The following ZNF385B variants were observed in gnomAD, a reference collection of about 807,000 sequenced individuals.
The protein encoded by ZNF385B is zinc finger protein 533.
Under a neutral mutation model 39.2 loss-of-function variants are expected in ZNF385B, and 23 were observed. The ratio of observed to expected loss-of-function variants is 0.59; its 90% CI spans 0.42 to 0.83. ZNF385B has a LOEUF of 0.83. ZNF385B is among the 40% of genes least tolerant of loss of function. ZNF385B has a pLI of 0.00. For synonymous variants in ZNF385B, 205 were observed against 222.6 expected (o/e 0.92, Z 0.70); for missense variants, 552 against 598.9 (o/e 0.92, Z 0.82).
intron 1 of ZNF385B, among the ~76,000 whole-genome samples, chr2:179,794,542 C>T (rs772179288): frequency 2.4e-4 from 36 of 152,140 alleles, no homozygotes; most frequent in Non-Finnish European, 2.5e-4. Context: ...ATGTAAGTGA[C>T]GTTTTCTTCC....
chr2:179,614,427 A>T (rs1689561509), intron 3 of ZNF385B, among the ~76,000 whole-genome samples: 1 of 152,204 alleles, frequency 6.6e-6, no homozygotes, highest in Admixed American at 6.5e-5. Flanking sequence ...GACTTTTAGC[A>T]GTTTGTAGTC....
At chr2:179,765,099 T>C (rs1318214825) in intron 3 of ZNF385B, among the ~76,000 whole-genome samples, 1 of 152,196 alleles carries the variant, frequency 6.6e-6, no homozygotes, top group Non-Finnish European at 1.5e-5. Flanking sequence ...GCCTCCATAA[T>C]TGTGTGAGCT....
intron 6 of ZNF385B, among the ~76,000 whole-genome samples, chr2:179,455,017 T>C (rs2050526523): frequency 6.6e-6 from 1 of 152,192 alleles, no homozygotes; most frequent in African/African-American, 2.4e-5. Flanking sequence ...ACAGTAAGTG[T>C]ATAGGAATGT....
chr2:179,753,626 T>C (rs902959477), intron 3 of ZNF385B, among the ~76,000 whole-genome samples: 8 of 152,228 alleles, frequency 5.3e-5, no homozygotes, highest in Non-Finnish European at 2.9e-5. Context: ...CAGTGGTTTG[T>C]AGTTCTCCTT....
intron 2 of ZNF385B, among the ~76,000 whole-genome samples, chr2:179,770,126 T>G (rs951928016): frequency 1.3e-5 from 2 of 152,102 alleles, no homozygotes; most frequent in Non-Finnish European, 2.9e-5. Context: ...CAAATTACCT[T>G]CCTCATGAAA....
intron 3 of ZNF385B, among the ~76,000 whole-genome samples, chr2:179,559,628 A>G (rs2061191234): frequency 6.6e-6 from 1 of 150,446 alleles, no homozygotes. Flanking sequence ...TTTACTTTAC[A>G]ACTTGACTGT....
intron 6 of ZNF385B, among the ~76,000 whole-genome samples, chr2:179,453,035 T>C (rs1427942144): frequency 6.6e-6 from 1 of 152,172 alleles, no homozygotes; most frequent in Non-Finnish European, 1.5e-5. Context: ...TAATAGCAAA[T>C]ATGAATATAC....
At chr2:179,526,667 G>A (rs2058924953) in intron 4 of ZNF385B, among the ~76,000 whole-genome samples, 1 of 152,122 alleles carries the variant, frequency 6.6e-6, no homozygotes, top group African/African-American at 2.4e-5. Flanking sequence ...ATGCACCATG[G>A]GATCTGCATG....
At chr2:179,619,940 C>T (rs549996648) in intron 3 of ZNF385B, among the ~76,000 whole-genome samples, 1 of 152,268 alleles carries the variant, frequency 6.6e-6, no homozygotes, top group East Asian at 1.9e-4. Flanking sequence ...CATTTACTAG[C>T]TATGTGACCT....
chr2:179,517,997 T>C (rs981982967), intron 5 of ZNF385B, among the ~76,000 whole-genome samples: 2 of 152,168 alleles, frequency 1.3e-5, no homozygotes, highest in African/African-American at 2.4e-5. Flanking sequence ...ATGTGGCAAT[T>C]GATATCAAAT....
At chr2:179,515,946 C>G (rs2058059656) in intron 5 of ZNF385B, among the ~76,000 whole-genome samples, 1 of 150,672 alleles carries the variant, frequency 6.6e-6, no homozygotes, top group African/African-American at 2.4e-5. Flanking sequence ...ACCCTTAGCC[C>G]CTGTTAACTA....
chr2:179,616,301 G>GT (rs1003856574), intron 3 of ZNF385B, among the ~76,000 whole-genome samples: 15 of 152,106 alleles, frequency 9.9e-5, no homozygotes, highest in African/African-American at 3.1e-4. Flanking sequence ...ACATTTTATG[G>GT]TTTTTTATGA....
At chr2:179,811,188 T>G (rs1200098967) in intron 1 of ZNF385B, among the ~76,000 whole-genome samples, 1 of 152,150 alleles carries the variant, frequency 6.6e-6, no homozygotes, top group African/African-American at 2.4e-5. Context: ...TATTCCATGA[T>G]CATGGGTTAG....
intron 3 of ZNF385B, among the ~76,000 whole-genome samples, chr2:179,727,194 A>G (rs889667408): frequency 6.6e-6 from 1 of 152,046 alleles, no homozygotes; most frequent in African/African-American, 2.4e-5. Context: ...TCTGATAACC[A>G]CTCAATTTTA....
chr2:179,794,355 A>G (rs938262914), intron 1 of ZNF385B, among the ~76,000 whole-genome samples: 2 of 152,188 alleles, frequency 1.3e-5, no homozygotes, highest in African/African-American at 4.8e-5. Context: ...TATATATTGT[A>G]GCTAAATTTG....
intron 3 of ZNF385B, among the ~76,000 whole-genome samples, chr2:179,572,317 T>G (rs1183391265): frequency 6.6e-6 from 1 of 152,100 alleles, no homozygotes; most frequent in Non-Finnish European, 1.5e-5. Flanking sequence ...CCAGAAACCT[T>G]CAGTCCCTGC....
chr2:179,575,527 C>T (rs1205426032), intron 3 of ZNF385B, among the ~76,000 whole-genome samples: 1 of 152,112 alleles, frequency 6.6e-6, no homozygotes, highest in Non-Finnish European at 1.5e-5. Flanking sequence ...TTCTCATTGG[C>T]CTGCAAGCAT....
At chr2:179,517,200 TA>T (rs1046389776) in intron 5 of ZNF385B, among the ~76,000 whole-genome samples, 15 of 151,828 alleles carry the variant, frequency 9.9e-5, no homozygotes, top group African/African-American at 1.4e-4. Flanking sequence ...ATTTGACCTT[TA>T]AAAAAATGTT....
intron 6 of ZNF385B, among the ~76,000 whole-genome samples, chr2:179,448,327 T>A (rs1336579465): frequency 6.6e-6 from 1 of 152,098 alleles, no homozygotes; most frequent in Non-Finnish European, 1.5e-5. Context: ...GAATTTGCAA[T>A]CTTACAGAAC....
Sources: allele counts gnomAD v4.1 joint callset (sites outside exome capture counted in the v4.1 genomes callset), GRCh38; gene constraint gnomAD v4.1.1; transcripts MANE v1.5; gene names NCBI Gene and HGNC (gene_info 2026-07-23, HGNC 2026-07-21).